ASH1L: variants seen among roughly 807,000 people sequenced by gnomAD.
ASH1L encodes ASH1 like histone lysine methyltransferase, also known as histone-lysine N-methyltransferase ASH1L.
In ASH1L, 23 loss-of-function variants were observed where a neutral mutation model predicts 269.0. The ratio of observed to expected loss-of-function variants is 0.09; its 90% CI spans 0.06 to 0.12. The LOEUF (loss-of-function observed/expected upper bound fraction) is 0.12, where lower values mean the gene tolerates loss of function less well. Among genes scored for constraint, ASH1L ranks in the 10% least tolerant of loss-of-function variants. The probability of loss-of-function intolerance (pLI) is 1.00; values close to 1 mark genes in which losing one functional copy is unlikely to be tolerated. For missense variants in ASH1L, 2,912 were observed against 3,567.8 expected (o/e 0.82, Z 4.68); for synonymous variants, 1,187 against 1,253.5 (o/e 0.95, Z 1.12).
At chr1:155,353,810 C>T (rs977692423) in intron 16 of ASH1L, among the ~76,000 whole-genome samples, 8 of 152,144 alleles carry the variant, frequency 5.3e-5, no homozygotes, top group African/African-American at 1.9e-4. Flanking sequence ...GACCTGTCCA[C>T]CCACTGATAA....
intron 8 of ASH1L, among the ~76,000 whole-genome samples, chr1:155,379,101 A>G (rs1326657063): frequency 6.7e-6 from 1 of 148,448 alleles, no homozygotes; most frequent in Non-Finnish European, 1.5e-5. Flanking sequence ...ATTAGAAAGA[A>G]AAAAAAAAAG....
chr1:155,425,131 G>A lies in ASH1L; in HGVS notation c.5829-9208C>T, dbSNP rs74524907. Among the ~76,000 whole-genome samples the A allele has an allele frequency of 7.3e-3, 1,116 of 151,946 alleles. 81 individuals carry two copies. The East Asian group carries it at 0.16, about 22-fold the overall frequency. ...ATTAAAGGCATGCACAACCATGCCCGGCTAATTTTTGTATTTTTAGTAGAG... is the reference window on the plus strand; with the variant it reads ...ATTAAAGGCATGCACAACCATGCCCAGCTAATTTTTGTATTTTTAGTAGAG... On this transcript the variant is annotated intron_variant, in intron 5 of 27. Coordinates refer to ENST00000392403, the MANE Select transcript of ASH1L (RefSeq NM_018489.3).
intron 4 of ASH1L, among the ~76,000 whole-genome samples, chr1:155,443,759 T>A (rs1662779321): frequency 6.6e-6 from 1 of 152,220 alleles, no homozygotes; most frequent in Non-Finnish European, 1.5e-5. Flanking sequence ...CATTGCCACA[T>A]TTCTTTTTAC....
intron 21 of ASH1L, 23 bp downstream of exon 21, chr1:155,346,360 G>A (rs1385958291): frequency 9.3e-6 from 15 of 1,610,894 alleles, no homozygotes; most frequent in African/African-American, 1.3e-5. Flanking sequence ...ATAGATCAGA[G>A]TTTTATCAGA....
chr1:155,377,440 GT>G (rs1174212576), intron 10 of ASH1L, among the ~76,000 whole-genome samples: 8 of 152,024 alleles, frequency 5.3e-5, no homozygotes, highest in Non-Finnish European at 1.0e-4. Context: ...TGTGCTTAAT[GT>G]TTTATGAGCT....
intron 7 of ASH1L, among the ~76,000 whole-genome samples, chr1:155,384,864 C>CT (rs35658822): frequency 1.3e-5 from 2 of 151,876 alleles, no homozygotes; most frequent in Admixed American, 6.6e-5. Context: ...CATCTATGCC[C>CT]TTTTTTTTCC....
chr1:155,531,720 G>C (rs531763682), intron 1 of ASH1L, among the ~76,000 whole-genome samples: 8 of 152,236 alleles, frequency 5.3e-5, no homozygotes, highest in African/African-American at 1.7e-4. Flanking sequence ...CGAACAGTAT[G>C]CTTACAGGCA....
chr1:155,383,097 TAAAG>T (rs1229615750), intron 7 of ASH1L, among the ~76,000 whole-genome samples: 6 of 152,298 alleles, frequency 3.9e-5, no homozygotes, highest in East Asian at 1.9e-4. Flanking sequence ...AATAAGGACA[TAAAG>T]AAAATATTTT....
intron 5 of ASH1L, among the ~76,000 whole-genome samples, chr1:155,429,007 C>CATAT (rs140134856): frequency 6.6e-6 from 1 of 151,412 alleles, no homozygotes; most frequent in African/African-American, 2.4e-5. Context: ...CTGGTCTCGG[C>CATAT]ATATATATAT....
At chr1:155,421,527 C>CGG (rs1660684026) in intron 5 of ASH1L, among the ~76,000 whole-genome samples, 1 of 151,078 alleles carries the variant, frequency 6.6e-6, no homozygotes, top group African/African-American at 2.4e-5. Context: ...AAAAAATAGC[C>CGG]GGGCATGGTG....
chr1:155,379,062 T>C (rs987623000), intron 8 of ASH1L, among the ~76,000 whole-genome samples: 2 of 149,744 alleles, frequency 1.3e-5, no homozygotes, highest in Admixed American at 6.7e-5. Context: ...GCAGGCAAAA[T>C]GGAGCTCTCA....
chr1:155,362,976 ATTT>A (rs1315384009), intron 12 of ASH1L, among the ~76,000 whole-genome samples: 2 of 152,062 alleles, frequency 1.3e-5, no homozygotes, highest in Non-Finnish European at 2.9e-5. Context: ...GCATTTAAAA[ATTT>A]TTATTTATTT....
chr1:155,348,332 C>T (rs1280546032), intron 19 of ASH1L, among the ~76,000 whole-genome samples: 1 of 152,010 alleles, frequency 6.6e-6, no homozygotes, highest in Non-Finnish European at 1.5e-5. Context: ...TTTAAGATTG[C>T]TCTAACTCTT....
chr1:155,446,616 T>C (rs1663052962), intron 4 of ASH1L, among the ~76,000 whole-genome samples: 1 of 151,234 alleles, frequency 6.6e-6, no homozygotes, highest in Non-Finnish European at 1.5e-5. Context: ...AGTTTCTTTT[T>C]TTTTTTTTTC....
intron 6 of ASH1L, among the ~76,000 whole-genome samples, chr1:155,411,581 A>AT (rs1491470576): frequency 4.6e-3 from 160 of 34,676 alleles, no homozygotes; most frequent in South Asian, 0.011. Context: ...ATAAATAAAT[A>AT]AATAAATATA....
chr1:155,494,209 T>A (rs1238257426), intron 2 of ASH1L, among the ~76,000 whole-genome samples: 1 of 152,074 alleles, frequency 6.6e-6, no homozygotes, highest in Non-Finnish European at 1.5e-5. Context: ...CATGTAGGTA[T>A]GTGGGAAAAA....
chr1:155,560,120 T>C (rs542912379), intron 1 of ASH1L, among the ~76,000 whole-genome samples: 18 of 152,254 alleles, frequency 1.2e-4, no homozygotes, highest in African/African-American at 4.3e-4. Flanking sequence ...CATACTAACA[T>C]CCACACACCC....
At position 155,555,749 on chromosome 1, in the gene ASH1L, C is replaced by T. The variant is rs986661757; in HGVS notation, c.-100+6404G>A. Among the ~76,000 whole-genome samples, 116 of 152,252 alleles carry T rather than the reference C, an allele frequency of 7.6e-4. 1 individual carries two copies. The highest frequency in any genetic ancestry group is 7.4e-5 in the Non-Finnish European group (5 of 68,020). Reference sequence around the variant, plus strand: ...TTCTTCTTAGCTGGCACAGGGAATTCCCTACTGATAAGTAATATGGATTAG... The same window carrying T: ...TTCTTCTTAGCTGGCACAGGGAATTTCCTACTGATAAGTAATATGGATTAG... On this transcript the variant is annotated intron_variant, in intron 1 of 27. Coordinates refer to ENST00000392403, the MANE Select transcript of ASH1L (RefSeq NM_018489.3).
At chr1:155,407,646 A>C (rs1222016614) in intron 6 of ASH1L, among the ~76,000 whole-genome samples, 1 of 152,214 alleles carries the variant, frequency 6.6e-6, no homozygotes, top group African/African-American at 2.4e-5. Flanking sequence ...TGTGATAGCC[A>C]AAAGCAGAAA....
Sources: allele counts gnomAD v4.1 joint callset (sites outside exome capture counted in the v4.1 genomes callset), GRCh38; gene constraint gnomAD v4.1.1; transcripts MANE v1.5; gene names NCBI Gene and HGNC (gene_info 2026-07-23, HGNC 2026-07-21).